The following NRXN1 variants were observed in gnomAD, a reference collection of about 807,000 sequenced individuals.
NRXN1 encodes the protein neurexin 1, also known as neurexin-1.
A neutral mutation model predicts 150.9 loss-of-function variants in NRXN1; 39 were observed. That is an observed-to-expected ratio of 0.26 (90% CI 0.20 to 0.34). The LOEUF (loss-of-function observed/expected upper bound fraction) is 0.34. Among genes scored for constraint, NRXN1 ranks in the 10% least tolerant of loss-of-function variants. NRXN1 has a pLI of 1.00. For synonymous variants in NRXN1, 924 were observed against 757.0 expected, an observed-to-expected ratio of 1.22 and a Z score of -3.62; for missense variants, 1,815 against 1,949.9, an observed-to-expected ratio of 0.93 and a Z score of 1.30.
chr2:50,951,205 A>C (rs1240465028), intron 2 of NRXN1, among the ~76,000 whole-genome samples: 1 of 152,140 alleles, frequency 6.6e-6, no homozygotes, highest in Non-Finnish European at 1.5e-5. Flanking sequence ...ACAAAAGGGG[A>C]TGAGATGAGA....
chr2:50,091,976 C>G (rs183898158), intron 18 of NRXN1, among the ~76,000 whole-genome samples: 12 of 152,288 alleles, frequency 7.9e-5, no homozygotes, highest in Non-Finnish European at 4.4e-5. Flanking sequence ...TGAGTGCAGT[C>G]CCTTAGTCAG....
intron 18 of NRXN1, among the ~76,000 whole-genome samples, chr2:50,167,331 CCTT>C (rs2059749128): frequency 6.6e-6 from 1 of 152,040 alleles, no homozygotes; most frequent in African/African-American, 2.4e-5. Flanking sequence ...ATTTAATTAT[CCTT>C]CGTTGGAGGA....
In NRXN1 at chr2:49,922,160, C is replaced by G. The variant is rs1436208590; in HGVS notation, c.4308G>C (p.Gly1436=). ...TGCACAGGGCGGCAGCGGCTACTAT[C>G]CCAACGACCATACCCGTGGTGCTGC... ...ESSSTTGMVV[G]IVAAAALCIL... Residue 1436 remains glycine, a synonymous_variant, in exon 23 of 23, where the codon GGG becomes GGC. Coordinates refer to ENST00000401669, the MANE Select transcript of NRXN1 (RefSeq NM_001330078.2). 2.5e-6 allele frequency: 4 copies of G among 1,614,116 alleles called. No individual in the cohort carries two copies.
At chr2:50,479,481 A>T (rs1446980201) in intron 15 of NRXN1, among the ~76,000 whole-genome samples, 2 of 152,178 alleles carry the variant, frequency 1.3e-5, no homozygotes, top group African/African-American at 4.8e-5. Context: ...AGTTCTTTGT[A>T]TGTGTAAGCC....
chr2:50,315,929 G>T (rs561424336), intron 17 of NRXN1, among the ~76,000 whole-genome samples: 1 of 151,966 alleles, frequency 6.6e-6, no homozygotes, highest in African/African-American at 2.4e-5. Context: ...AAAGAATTTC[G>T]GGAATTCAAT....
chr2:50,971,439 C>T (rs952783201), intron 2 of NRXN1, among the ~76,000 whole-genome samples: 1 of 151,826 alleles, frequency 6.6e-6, no homozygotes, highest in African/African-American at 2.4e-5. Context: ...AAAAATTAGC[C>T]TGGTGTGCTG....
intron 9 of NRXN1, chr2:50,551,296 A>G (rs1272896192): frequency 1.3e-5 from 2 of 152,264 alleles, no homozygotes; most frequent in African/African-American, 2.4e-5. Context: ...ACTCACTCCC[A>G]ACTCCTTCTC....
At chr2:50,361,390 G>A (rs912867378) in intron 17 of NRXN1, among the ~76,000 whole-genome samples, 1 of 151,928 alleles carries the variant, frequency 6.6e-6, no homozygotes, top group Non-Finnish European at 1.5e-5. Flanking sequence ...AGAAAAGAGA[G>A]AAGAATCAAA....
At chr2:50,446,594 C>T (rs1345111592) in intron 17 of NRXN1, among the ~76,000 whole-genome samples, 3 of 145,530 alleles carry the variant, frequency 2.1e-5, no homozygotes, top group Non-Finnish European at 3.0e-5. Context: ...TCCTTCCTTC[C>T]TCCCTCCCTC....
At chr2:50,015,561 G>C (rs942646995) in intron 21 of NRXN1, among the ~76,000 whole-genome samples, 3 of 150,036 alleles carry the variant, frequency 2.0e-5, no homozygotes, top group Admixed American at 2.0e-4. Context: ...GGCTTGGGAG[G>C]AGGCAGCCTG....
chr2:50,755,093 T>G (rs1433324333), intron 5 of NRXN1, among the ~76,000 whole-genome samples: 1 of 151,824 alleles, frequency 6.6e-6, no homozygotes, highest in African/African-American at 2.4e-5. Context: ...ATTCATATTC[T>G]CATTGATCTG....
intron 19 of NRXN1, among the ~76,000 whole-genome samples, chr2:50,062,221 T>C (rs1165351771): frequency 1.3e-5 from 2 of 152,116 alleles, no homozygotes; most frequent in East Asian, 1.9e-4. Flanking sequence ...ATTCCAAATA[T>C]GATAGTGTCA....
intron 5 of NRXN1, among the ~76,000 whole-genome samples, chr2:50,826,504 T>A (rs1198548496): frequency 6.6e-6 from 1 of 152,136 alleles, no homozygotes; most frequent in African/African-American, 2.4e-5. Context: ...GTGGCCTGAC[T>A]AATGCATCAC....
chr2:50,632,403 A>T (rs1231119042), intron 5 of NRXN1: 1 of 152,098 alleles, frequency 6.6e-6, no homozygotes, highest in Non-Finnish European at 1.5e-5. Context: ...ACAGGGAAGA[A>T]GAAAGAGTTG....
At chr2:50,513,365 C>T (rs6545177) in intron 12 of NRXN1, among the ~76,000 whole-genome samples, 1 of 152,078 alleles carries the variant, frequency 6.6e-6, no homozygotes, top group African/African-American at 2.4e-5. Context: ...TATTTGAACA[C>T]GCACACTGCA....
At chr2:50,759,884 C>T (rs988754878) in intron 5 of NRXN1, among the ~76,000 whole-genome samples, 4 of 146,762 alleles carry the variant, frequency 2.7e-5, no homozygotes, top group Middle Eastern at 3.4e-3. Context: ...TAATCAATAC[C>T]TAACAAAGAT....
chr2:50,268,024 T>C (rs549816634), intron 17 of NRXN1, among the ~76,000 whole-genome samples: 1 of 152,138 alleles, frequency 6.6e-6, no homozygotes, highest in East Asian at 1.9e-4. Flanking sequence ...ACCTCGTCTC[T>C]ACCAAAATAC....
At chr2:50,943,193 G>A (rs1689761713) in intron 2 of NRXN1, among the ~76,000 whole-genome samples, 1 of 152,096 alleles carries the variant, frequency 6.6e-6, no homozygotes, top group Non-Finnish European at 1.5e-5. Context: ...CCAGCCATGA[G>A]GAACTGTAAG....
intron 8 of NRXN1, among the ~76,000 whole-genome samples, chr2:50,558,328 ACTTTAT>A (rs1668542287): frequency 6.6e-6 from 1 of 152,088 alleles, no homozygotes; most frequent in Admixed American, 6.5e-5. Context: ...TTAACCTCAA[ACTTTAT>A]CTTTGTTTCA....
Sources: allele counts gnomAD v4.1 joint callset (sites outside exome capture counted in the v4.1 genomes callset), GRCh38; gene constraint gnomAD v4.1.1; transcripts MANE v1.5; gene names NCBI Gene and HGNC (gene_info 2026-07-23, HGNC 2026-07-21).